MAP7D2: variants seen among roughly 807,000 people sequenced by gnomAD.
MAP7D2 encodes MAP7 domain containing 2.
Under a neutral mutation model 63.5 loss-of-function variants are expected in MAP7D2, and 33 were observed. The ratio of observed to expected loss-of-function variants is 0.52; its 90% confidence interval spans 0.39 to 0.70. The LOEUF (loss-of-function observed/expected upper bound fraction) is 0.70. Among genes scored for constraint, MAP7D2 ranks in the 30% least tolerant of loss-of-function variants. The pLI is 0.00. For synonymous variants in MAP7D2, 224 were observed against 223.7 expected (o/e 1.00, Z -0.01); for missense variants, 626 against 604.0 (o/e 1.04, Z -0.38).
chrX:20,094,791 G>C (rs1208523203), intron 1 of MAP7D2, among the ~76,000 whole-genome samples: 1 of 103,358 alleles, frequency 9.7e-6, no homozygotes, highest in Non-Finnish European at 2.0e-5. Flanking sequence ...TGGCCAGGCT[G>C]GTCTCAAACT....
At chrX:20,071,080 G>T (rs1226363578) in intron 1 of MAP7D2, among the ~76,000 whole-genome samples, 1 of 112,329 alleles carries the variant, frequency 8.9e-6, no homozygotes, top group Non-Finnish European at 1.9e-5. Flanking sequence ...CATCCAATAG[G>T]AAATACAATG....
At chrX:20,027,658 CCT>C (rs1157332315) in intron 8 of MAP7D2, among the ~76,000 whole-genome samples, 1 of 107,349 alleles carries the variant, frequency 9.3e-6, no homozygotes, top group African/African-American at 3.4e-5. Context: ...ACTGAGAATC[CCT>C]GAGACATGGG....
chrX:20,016,465 T>C, intron 10 of MAP7D2, 140 bp from the exon 11 acceptor site: 1 of 559,894 alleles, frequency 1.8e-6, no homozygotes, highest in Non-Finnish European at 2.9e-6. Flanking sequence ...TTTAATAACA[T>C]GATTCATCCT....
rs1213837789 is a variant in MAP7D2 at position 20,025,037 on chromosome X, C to T, written c.1326G>A (p.Ala442=). 3 of 1,209,586 alleles carry T rather than the reference C, an allele frequency of 2.5e-6. No individual in the cohort carries two copies. The highest frequency in any genetic ancestry group is 3.0e-5 in the East Asian group (1 of 33,743). ...TAGTTDAGEA[A]KILAEKRRQA... ...GTCTTCTCTTTTCAGCCAAGATCTT[C>T]GCAGCCTCTCCTGCATCAGTGGTGC... Residue 442 remains alanine, a synonymous_variant, in exon 10 of 17, where the codon GCG becomes GCA. Coordinates refer to ENST00000379643, the MANE Select transcript of MAP7D2 (RefSeq NM_001168465.2).
chrX:20,059,643 G>A (rs749540546), intron 3 of MAP7D2, among the ~76,000 whole-genome samples: 2 of 105,523 alleles, frequency 1.9e-5, no homozygotes, highest in Non-Finnish European at 3.9e-5. Flanking sequence ...AGGAAGGAAG[G>A]AAGGAAGGAA....
chrX:20,063,381 TG>T, intron 3 of MAP7D2, 32 bp downstream of exon 3: 1 of 1,199,669 alleles, frequency 8.3e-7, no homozygotes, highest in Non-Finnish European at 1.1e-6. Context: ...CTGAGGGGGC[TG>T]GAAGGTGGCG....
chrX:20,069,765 C>A (rs1243293241), intron 1 of MAP7D2, among the ~76,000 whole-genome samples: 1 of 100,619 alleles, frequency 9.9e-6, no homozygotes, highest in South Asian at 4.2e-4. Flanking sequence ...TACATGGGCT[C>A]TCTCTGTAAT....
intron 8 of MAP7D2, among the ~76,000 whole-genome samples, chrX:20,028,864 G>T (rs2073957398): frequency 8.9e-6 from 1 of 112,288 alleles, no homozygotes; most frequent in South Asian, 3.7e-4. Context: ...CGTGGTAGAT[G>T]ATAACAGATG....
At chrX:20,018,462 A>C (rs779252446) in intron 10 of MAP7D2, among the ~76,000 whole-genome samples, 1 of 50,721 alleles carries the variant, frequency 2.0e-5, no homozygotes, top group East Asian at 6.0e-4. Context: ...TTTTTTTTTG[A>C]GATGGAGTCT....
chrX:20,101,328 T>A (rs1242149497), intron 1 of MAP7D2, among the ~76,000 whole-genome samples: 4 of 112,403 alleles, frequency 3.6e-5, no homozygotes, highest in African/African-American at 1.3e-4. Flanking sequence ...GGAAACACTC[T>A]TTTTGTAGAA....
In MAP7D2 at chrX:20,013,210, G is replaced by A. The variant is rs772733211; in HGVS notation, c.1807-78C>T. On this transcript the variant is annotated intron_variant, in intron 13 of 16. Transcript: ENST00000379643. The stretch of plus-strand genomic sequence containing the variant: ...AAAAAAGTACTTTTTAAAAGCATCC[G>A]ATGATATTTTGAGCCTGGACCATCT... The A allele has an allele frequency of 4.4e-5, 33 of 756,065 alleles. No individual in the cohort carries two copies. In the Middle Eastern group the frequency reaches 8.8e-4, roughly 20 times the overall value. The allele number at this position is 756,065 out of a possible 1,213,427, so 62.3% of individuals were successfully genotyped here. A position where few individuals can be genotyped will look rare whatever the true frequency, so the allele number is the denominator to read the frequency against.
chrX:20,090,658 A>G (rs1358624921), intron 1 of MAP7D2, among the ~76,000 whole-genome samples: 1 of 112,670 alleles, frequency 8.9e-6, no homozygotes, highest in African/African-American at 3.2e-5. Flanking sequence ...CAGTTAAAAC[A>G]TACATATGAC....
intron 1 of MAP7D2, among the ~76,000 whole-genome samples, chrX:20,075,312 T>C (rs1166101043): frequency 9.0e-6 from 1 of 111,017 alleles, no homozygotes; most frequent in Non-Finnish European, 1.9e-5. Context: ...CCATCCAATA[T>C]GAATCAGTTA....
rs758872970 is a variant in MAP7D2 at position 20,079,607 on chromosome X, C to T, written c.131-14802G>A. Among the ~76,000 whole-genome samples the T allele has an allele frequency of 9.8e-5, 11 of 112,127 alleles. No homozygotes were observed. In the East Asian group the frequency reaches 2.8e-3, roughly 29 times the overall value. ...TCCATGTGGCCTGCCCAACTGTATCCTAGTCAAGAGACTGGGTAAATTCCT... is the reference window on the plus strand; with the variant it reads ...TCCATGTGGCCTGCCCAACTGTATCTTAGTCAAGAGACTGGGTAAATTCCT... On this transcript the variant is annotated intron_variant, in intron 1 of 16. Coordinates refer to ENST00000379643, the MANE Select transcript of MAP7D2 (RefSeq NM_001168465.2).
chrX:20,110,545 C>T (rs2148573209), intron 1 of MAP7D2, among the ~76,000 whole-genome samples: 1 of 106,544 alleles, frequency 9.4e-6, no homozygotes. Flanking sequence ...GCCTATAGTC[C>T]CAGCTCCTTG....
chrX:20,108,426 G>A (rs953820442), intron 1 of MAP7D2, among the ~76,000 whole-genome samples: 1 of 108,740 alleles, frequency 9.2e-6, no homozygotes, highest in Non-Finnish European at 1.9e-5. Context: ...GTAGAGGCGG[G>A]GTTTCGCCAT....
chrX:20,062,313 T>C lies in MAP7D2; in HGVS notation c.372+1101A>G, dbSNP rs111663866. 9.0e-4 allele frequency among the ~76,000 whole-genome samples: 100 copies of C among 111,499 alleles called. 1 individual carries two copies. Among genetic ancestry groups the C allele is most frequent in the African/African-American group, 3.2e-3 (97 of 30,673 alleles). ...CTGGCATTGGAGCTGACATTTGAAC[T>C]GGGAGCAGATGAAGGCACAGCAATC... is the stretch of plus-strand genomic sequence containing the variant. On this transcript the variant is annotated intron_variant, in intron 3 of 16. Transcript: ENST00000379643.
At chrX:20,057,539 G>A (rs1359358711) in intron 3 of MAP7D2, among the ~76,000 whole-genome samples, 1 of 111,506 alleles carries the variant, frequency 9.0e-6, no homozygotes, top group Non-Finnish European at 1.9e-5. Context: ...ACACTCTCCT[G>A]TATTACCCAA....
At chrX:20,025,991 C>T (rs2073830316) in intron 8 of MAP7D2, 39 bp from the exon 9 acceptor site, 1 of 1,181,666 alleles carries the variant, frequency 8.5e-7, no homozygotes, top group South Asian at 1.9e-5. Flanking sequence ...GATTACTGGG[C>T]CTGAACACAG....
Sources: allele counts gnomAD v4.1 joint callset (sites outside exome capture counted in the v4.1 genomes callset), GRCh38; gene constraint gnomAD v4.1.1; transcripts MANE v1.5; gene names NCBI Gene and HGNC (gene_info 2026-07-23, HGNC 2026-07-21).